ATG4B: variants seen among roughly 807,000 people sequenced by gnomAD.
ATG4B encodes cysteine protease ATG4B.
In ATG4B, 29 loss-of-function variants were observed where a neutral mutation model predicts 56.6. The ratio of observed to expected loss-of-function variants is 0.51; its 90% CI spans 0.38 to 0.70. The LOEUF is 0.70. ATG4B is among the 30% of genes least tolerant of loss of function. The probability of loss-of-function intolerance (pLI) is 0.00; values close to 1 mark genes in which losing one functional copy is unlikely to be tolerated. For synonymous variants in ATG4B, 224 were observed against 206.1 expected, an observed-to-expected ratio of 1.09 and a Z score of -0.74; for missense variants, 461 against 515.5, an observed-to-expected ratio of 0.89 and a Z score of 1.02.
intron 6 of ATG4B, among the ~76,000 whole-genome samples, chr2:241,656,519 C>T (rs534943216): frequency 2.0e-5 from 3 of 152,342 alleles, no homozygotes; most frequent in East Asian, 3.9e-4. Flanking sequence ...TCTCTGGAAG[C>T]ACCAGGCCAC....
chr2:241,645,272 G>A (rs559204760), intron 1 of ATG4B, among the ~76,000 whole-genome samples: 15 of 152,338 alleles, frequency 9.8e-5, no homozygotes, highest in African/African-American at 3.1e-4. Flanking sequence ...TGTAGGAATC[G>A]CTGCAGGTCT....
At chr2:241,670,705 C>T (rs1296985453) in intron 10 of ATG4B, 21 bp from the exon 11 acceptor site, 16 of 1,601,978 alleles carry the variant, frequency 1.0e-5, no homozygotes, top group Non-Finnish European at 1.4e-5. Context: ...TCGTGTTCTG[C>T]TCATCGTCAT....
At chr2:241,657,739 T>G (rs374903041) in intron 6 of ATG4B, among the ~76,000 whole-genome samples, 13 of 152,356 alleles carry the variant, frequency 8.5e-5, no homozygotes, top group African/African-American at 3.1e-4. Flanking sequence ...CATCTTCTTC[T>G]TTCTTGTTGA....
chr2:241,655,264 C>G lies in ATG4B; in HGVS notation c.386-7C>G. 6.2e-7 allele frequency: 1 copy of G among 1,609,106 alleles called. No individual in the cohort carries two copies. Among genetic ancestry groups the G allele is most frequent in the Non-Finnish European group, 8.5e-7 (1 of 1,177,764 alleles). On this transcript the variant is annotated splice_region_variant and splice_polypyrimidine_tract_variant and intron_variant, in intron 5 of 12. Coordinates refer to ENST00000404914, the MANE Select transcript of ATG4B (RefSeq NM_013325.5). ...GTGTGTTGCTAATGTGTATCTGTTC[C>G]CTGCAGCGCAAATGGGAGTTGGCGA... is the stretch of plus-strand genomic sequence containing the variant.
rs776519874 is a variant in ATG4B at position 241,651,121 on chromosome 2, A to G, written c.112+10A>G. 2.3e-5 allele frequency: 37 copies of G among 1,609,200 alleles called. No individual in the cohort carries two copies. The highest frequency in any genetic ancestry group is 1.8e-4 in the South Asian group (16 of 90,306). ...TACAGCATTTTCACAGGTATCGGCC[A>G]TGCTGGAGCCCACCCTGGTCTGACC... On this transcript the variant is annotated intron_variant, in intron 2 of 12. Coordinates refer to ENST00000404914, the MANE Select transcript of ATG4B (RefSeq NM_013325.5). This position sits in a 1 kb window ranked among gnomAD's most constrained non-coding sequence, Gnocchi z 4.1.
Position 241,654,628 on chromosome 2 carries a change from C to T in ATG4B, c.366C>T (p.Tyr122=), listed in dbSNP as rs769312641. The change falls in exon 5 of 13, where the codon TAC becomes TAT. Residue 122 remains tyrosine (Y), a synonymous_variant. Transcript: ENST00000404914. ...LNAFIDRKDS[Y]YSIHQIAQMG... Reference sequence around the variant, plus strand: ...CATTCATCGACAGGAAGGACAGTTACTACTCCATTCACCAGATAGGTGGGA... The same window carrying T: ...CATTCATCGACAGGAAGGACAGTTATTACTCCATTCACCAGATAGGTGGGA... 2 of 1,598,422 alleles carry T rather than the reference C, an allele frequency of 1.3e-6. No individual in the cohort carries two copies. Among genetic ancestry groups the T allele is most frequent in the South Asian group, 1.1e-5 (1 of 87,968 alleles).
rs1194407121 is a variant in ATG4B at position 241,673,491 on chromosome 2, G to T, written c.*1227G>T. On this transcript the variant is annotated 3_prime_UTR_variant, in exon 13 of 13. Transcript: ENST00000404914. ...TGCTGCTGCTTGTGTAGGTCGGGGA[G>T]CCAGAGATCCCCGAGGACGCGCGCC... 6.1e-5 allele frequency: 26 copies of T among 423,476 alleles called. No individual in the cohort carries two copies. Among genetic ancestry groups the T allele is most frequent in the African/African-American group, 4.4e-4 (22 of 49,604 alleles). The allele number at this position is 423,476 out of a possible 1,614,324, so 26.2% of individuals were successfully genotyped here. A position where few individuals can be genotyped will look rare whatever the true frequency, so the allele number is the denominator to read the frequency against.
Position 241,651,271 on chromosome 2 carries a change from C to T in ATG4B, c.120C>T (p.Asp40=), listed in dbSNP as rs1165199371. The T allele has an allele frequency of 5.6e-6, 9 of 1,599,118 alleles. No homozygotes were observed. Among genetic ancestry groups the T allele is most frequent in the East Asian group, 2.2e-5 (1 of 44,592 alleles). The change falls in exon 3 of 13, where the codon GAC becomes GAT. Residue 40 remains aspartate (D), a synonymous_variant. Transcript: ENST00000404914. The surrounding 1 kb of genome is among the most constrained non-coding windows in gnomAD (Gnocchi z 4.1). The part of the protein sequence containing the change: ...GRKYSIFTEK[D]EILSDVASRL... ...CTTTTAAACAACCTCTAGAAAAGGA[C>T]GAGATCTTGTCTGATGTGGCATCTA...
chr2:241,663,623 A>G (rs2068659206), intron 7 of ATG4B, among the ~76,000 whole-genome samples: 1 of 152,232 alleles, frequency 6.6e-6, no homozygotes, highest in Admixed American at 6.5e-5. Context: ...GGAAAAAGCA[A>G]AATTAACTGA....
At position 241,673,853 on chromosome 2, in the gene ATG4B, A is replaced by G; in HGVS notation, c.*1589A>G. The G allele has an allele frequency of 2.4e-6, 1 of 409,452 alleles. No homozygotes were observed. Among genetic ancestry groups the G allele is most frequent in the Non-Finnish European group, 4.9e-6 (1 of 202,660 alleles). 25.4% of individuals were successfully genotyped at this position (409,452 alleles called of 1,614,324 possible). On this transcript the variant is annotated 3_prime_UTR_variant, in exon 13 of 13. Transcript: ENST00000404914. ...GGCAAATAATAAGTTTCAGTAGAAA[A>G]CAAACCTTGTGTCTATTTTTTCCTT...
chr2:241,643,364 AT>A (rs71049595), intron 1 of ATG4B, among the ~76,000 whole-genome samples: 39,490 of 109,578 alleles, frequency 0.36, 6,663 homozygotes, highest in African/African-American at 0.47. Context: ...ACGCCTAGCT[AT>A]TTTTTTTTTT....
rs1264980154 is a variant in ATG4B, at chr2:241,673,280, CCCA to C, written c.*1022_*1024del. ...CAGAACCTCAGCCCCGATTCCAGCACCCACCACCGCCTGACCCTGTGTAACCTG... is the reference window on the plus strand; with the variant it reads ...CAGAACCTCAGCCCCGATTCCAGCACCCACCGCCTGACCCTGTGTAACCTG... On this transcript the variant is annotated 3_prime_UTR_variant, in exon 13 of 13. Transcript: ENST00000404914. 1 of 335,264 alleles carries C rather than the reference CCCA, an allele frequency of 3.0e-6. No homozygotes were observed. The highest frequency in any genetic ancestry group is 6.0e-6 in the Non-Finnish European group (1 of 167,858). 20.8% of individuals were successfully genotyped at this position (335,264 alleles called of 1,614,324 possible). A position where few individuals can be genotyped will look rare whatever the true frequency, so the allele number is the denominator to read the frequency against.
At chr2:241,662,851 C>T (rs987814623) in intron 7 of ATG4B, among the ~76,000 whole-genome samples, 1 of 150,976 alleles carries the variant, frequency 6.6e-6, no homozygotes, top group African/African-American at 2.4e-5. Flanking sequence ...TAAAGTGGGC[C>T]GGGCGCGGTG....
chr2:241,644,077 TGG>T (rs1320081260), intron 1 of ATG4B, among the ~76,000 whole-genome samples: 1 of 151,998 alleles, frequency 6.6e-6, no homozygotes, highest in Non-Finnish European at 1.5e-5. Flanking sequence ...ACAAGTGTGG[TGG>T]CTCACACTTG....
intron 7 of ATG4B, among the ~76,000 whole-genome samples, chr2:241,661,255 A>G (rs543810725): frequency 2.0e-5 from 3 of 152,336 alleles, no homozygotes; most frequent in African/African-American, 7.2e-5. Context: ...AGCATGTGGA[A>G]GGTGCCTGAT....
intron 6 of ATG4B, among the ~76,000 whole-genome samples, chr2:241,656,028 C>A (rs2068390848): frequency 6.6e-6 from 1 of 152,154 alleles, no homozygotes; most frequent in South Asian, 2.1e-4. Flanking sequence ...CAGGACTTGT[C>A]CCCTCAGGGT....
intron 4 of ATG4B, among the ~76,000 whole-genome samples, chr2:241,654,189 G>A (rs1026155115): frequency 6.6e-6 from 1 of 152,024 alleles, no homozygotes; most frequent in African/African-American, 2.4e-5. Flanking sequence ...TTGGGATGCC[G>A]AGGCGGGTGG....
intron 1 of ATG4B, among the ~76,000 whole-genome samples, chr2:241,644,701 G>T (rs923470178): frequency 1.3e-5 from 2 of 152,156 alleles, no homozygotes; most frequent in Non-Finnish European, 2.9e-5. Flanking sequence ...TGTAATCCCA[G>T]CACTTTCGGA....
intron 6 of ATG4B, among the ~76,000 whole-genome samples, chr2:241,658,488 A>G (rs1009904654): frequency 4.6e-5 from 7 of 151,822 alleles, no homozygotes; most frequent in African/African-American, 7.3e-5. Context: ...GGCCTTTTCT[A>G]TTGTTTTACC....
Sources: gnomAD v4.1 joint callset for allele counts (sites outside exome capture counted in the v4.1 genomes callset) on GRCh38, gnomAD v4.1.1 for gene constraint, Gnocchi (gnomAD v3.1) non-coding constraint, MANE v1.5 for transcripts, NCBI Gene and HGNC (gene_info 2026-07-23, HGNC 2026-07-21) for gene names.